UTS2: variants seen among roughly 807,000 people sequenced by gnomAD.
The protein encoded by UTS2 is urotensin-2.
A neutral mutation model predicts 12.6 loss-of-function variants in UTS2; 10 were observed. The ratio of observed to expected loss-of-function variants is 0.80; its 90% CI spans 0.49 to 1.35. UTS2 has a LOEUF of 1.35. Among genes scored for constraint, UTS2 ranks in the 40% most tolerant of loss-of-function variants. The pLI is 0.00. For synonymous variants in UTS2, 52 were observed against 50.0 expected, an observed-to-expected ratio of 1.04 and a Z score of -0.17; for missense variants, 142 against 143.2, an observed-to-expected ratio of 0.99 and a Z score of 0.04.
chr1:7,876,433 T>A, the UTS2 span, among the ~76,000 whole-genome samples: 1 of 152,212 alleles, frequency 6.6e-6, no homozygotes, highest in East Asian at 1.9e-4. Flanking sequence ...CAGCATGTGC[T>A]GCAGAGGGGG....
chr1:7,890,973 C>CCCA, the UTS2 span, among the ~76,000 whole-genome samples: 10 of 150,210 alleles, frequency 6.7e-5, no homozygotes, highest in Non-Finnish European at 1.5e-4. Context: ...CTCCACCCCC[C>CCCA]CCCACAAAAC....
At chr1:7,855,322 G>A (rs571104616), upstream of UTS2, among the ~76,000 whole-genome samples, 590 of 151,760 alleles carry the variant, frequency 3.9e-3, 5 homozygotes, top group Middle Eastern at 0.021. Context: ...GGTGGCTCAC[G>A]CCTATAATCC....
chr1:7,858,665 C>A, the UTS2 span, among the ~76,000 whole-genome samples: 1 of 152,168 alleles, frequency 6.6e-6, no homozygotes, highest in Non-Finnish European at 1.5e-5. Flanking sequence ...CAACCACCAC[C>A]TCCAGGGTTC....
chr1:7,886,180 G>A, the UTS2 span, among the ~76,000 whole-genome samples: 19 of 152,250 alleles, frequency 1.2e-4, no homozygotes, highest in African/African-American at 3.6e-4. Context: ...TCCCCGGGAG[G>A]GGGGAGGGCC....
chr1:7,856,335 T>A (rs1253913199), upstream of UTS2, among the ~76,000 whole-genome samples: 1 of 152,220 alleles, frequency 6.6e-6, no homozygotes, highest in Non-Finnish European at 1.5e-5. Context: ...TGTTTATTGC[T>A]ATGAAGAACA....
the UTS2 span, among the ~76,000 whole-genome samples, chr1:7,865,005 T>C: frequency 1.5e-5 from 1 of 65,440 alleles, no homozygotes; most frequent in African/African-American, 3.9e-5. Context: ...ATCATCCCCC[T>C]GTGTCCTCCC....
chr1:7,849,164 T>TATCA (rs367997008), intron 3 of UTS2, among the ~76,000 whole-genome samples: 1,660 of 152,122 alleles, frequency 0.011, 35 homozygotes, highest in African/African-American at 0.038. Flanking sequence ...TCAGATCTTA[T>TATCA]ATCAATCAAA....
At chr1:7,913,246 A>C in the UTS2 span, among the ~76,000 whole-genome samples, 2 of 151,146 alleles carry the variant, frequency 1.3e-5, 1 homozygote, top group African/African-American at 4.9e-5. Context: ...GCCGCCCAGT[A>C]GATAAAGCAC....
the UTS2 span, among the ~76,000 whole-genome samples, chr1:7,862,978 TTATTGTGTTGTGTTGTATTGTATTG>T: frequency 1.9e-5 from 1 of 52,114 alleles, no homozygotes; most frequent in South Asian, 4.3e-4. Flanking sequence ...CGGCCGTTAT[TTATTGTGTTGTGTTGTATTGTATTG>T]TATTGTATTG....
the UTS2 span, among the ~76,000 whole-genome samples, chr1:7,905,930 TG>T: frequency 7.6e-6 from 1 of 131,674 alleles, no homozygotes; most frequent in African/African-American, 2.8e-5. Context: ...GAGGGGTGTC[TG>T]GGGGGCTTGT....
chr1:7,851,012 G>A lies in UTS2; in HGVS notation c.104-90C>T. The stretch of plus-strand genomic sequence containing the variant: ...TGTCTTTGGCGAGCACCAGAGATAG[G>A]GAGATGAACACTAGAAAAACTTCCA... On this transcript the variant is annotated intron_variant, in intron 1 of 3. Transcript: ENST00000361696. The A allele has an allele frequency of 7.9e-6, 10 of 1,266,666 alleles. No homozygotes were observed. The South Asian group carries it at 8.5e-5, about 11-fold the overall frequency. The allele number at this position is 1,266,666 out of a possible 1,614,324, so 78.5% of individuals were successfully genotyped here.
the UTS2 span, among the ~76,000 whole-genome samples, chr1:7,871,374 A>G: frequency 6.6e-6 from 1 of 152,050 alleles, no homozygotes; most frequent in African/African-American, 2.4e-5. Context: ...GGGGTCATTT[A>G]CAGGGGCAGC....
At chr1:7,871,480 G>T in the UTS2 span, among the ~76,000 whole-genome samples, 4 of 152,262 alleles carry the variant, frequency 2.6e-5, no homozygotes, top group South Asian at 8.3e-4. Context: ...GTTGACGTGT[G>T]GTTTGTTGAT....
At chr1:7,870,572 C>G in the UTS2 span, among the ~76,000 whole-genome samples, 2 of 152,168 alleles carry the variant, frequency 1.3e-5, no homozygotes, top group African/African-American at 4.8e-5. Flanking sequence ...TAACAATTCA[C>G]AGGGGAATTT....
the UTS2 span, among the ~76,000 whole-genome samples, chr1:7,864,357 G>A: frequency 3.7e-3 from 564 of 152,208 alleles, 8 homozygotes; most frequent in African/African-American, 0.013. Context: ...AGGCCTCTCC[G>A]ACCTTCCCCC....
chr1:7,886,065 C>CAGGTACCCAGGTGTA, the UTS2 span, among the ~76,000 whole-genome samples: 3 of 152,134 alleles, frequency 2.0e-5, no homozygotes, highest in African/African-American at 7.2e-5. Flanking sequence ...TAAGGTATCC[C>CAGGTACCCAGGTGTA]AGGTACCCAG....
At chr1:7,885,538 A>G in the UTS2 span, among the ~76,000 whole-genome samples, 1 of 152,056 alleles carries the variant, frequency 6.6e-6, no homozygotes, top group Non-Finnish European at 1.5e-5. Flanking sequence ...CAACCCACCC[A>G]GCCTCCACTC....
At chr1:7,870,672 TG>T in the UTS2 span, among the ~76,000 whole-genome samples, 2 of 152,238 alleles carry the variant, frequency 1.3e-5, no homozygotes, top group Non-Finnish European at 2.9e-5. Context: ...CAAGGCCTTT[TG>T]CTTACCAAAG....
At chr1:7,896,443 C>A in the UTS2 span, among the ~76,000 whole-genome samples, 1 of 152,098 alleles carries the variant, frequency 6.6e-6, no homozygotes, top group African/African-American at 2.4e-5. Flanking sequence ...AAATTATAGG[C>A]TTTGAATACA....
Sources: gnomAD v4.1 joint callset for allele counts (sites outside exome capture counted in the v4.1 genomes callset) on GRCh38, gnomAD v4.1.1 for gene constraint, MANE v1.5 for transcripts, NCBI Gene and HGNC (gene_info 2026-07-23, HGNC 2026-07-21) for gene names.